CNTN3: variants seen among roughly 807,000 people sequenced by gnomAD.
CNTN3 encodes the protein contactin 3, also known as contactin-3.
A neutral mutation model predicts 119.1 loss-of-function variants in CNTN3; 60 were observed. The ratio of observed to expected loss-of-function variants is 0.50; its 90% CI spans 0.41 to 0.62. The LOEUF (loss-of-function observed/expected upper bound fraction) is 0.62, where lower values mean the gene tolerates loss of function less well. Among genes scored for constraint, CNTN3 ranks in the 20% least tolerant of loss-of-function variants. The pLI, the probability that CNTN3 is intolerant of heterozygous loss-of-function variation, is 0.00. For missense variants in CNTN3, 1,101 were observed against 1,242.4 expected (o/e 0.89, Z 1.71); for synonymous variants, 450 against 438.7 (o/e 1.03, Z -0.32).
intron 11 of CNTN3, among the ~76,000 whole-genome samples, chr3:74,356,438 C>T (rs1190919698): frequency 6.6e-6 from 1 of 152,062 alleles, no homozygotes; most frequent in Non-Finnish European, 1.5e-5. Context: ...CTCTAGAGAG[C>T]TTGTCCTGAT....
In CNTN3 at chr3:74,369,870, T is replaced by C; in HGVS notation, c.761+19A>G. 1 of 1,353,520 alleles carries C rather than the reference T, an allele frequency of 7.4e-7. No homozygotes were observed. 83.8% of individuals were successfully genotyped at this position (1,353,520 alleles called of 1,614,324 possible). On this transcript the variant is annotated intron_variant, in intron 7 of 22. Transcript: ENST00000263665. ...AACCTAATATTTCAGCACATAGGAGTAAATGTTATAAAACTTACTTTCCAA... is the reference window on the plus strand; with the variant it reads ...AACCTAATATTTCAGCACATAGGAGCAAATGTTATAAAACTTACTTTCCAA...
At chr3:74,393,456 C>T (rs1195055987) in intron 5 of CNTN3, among the ~76,000 whole-genome samples, 2 of 152,222 alleles carry the variant, frequency 1.3e-5, no homozygotes, top group Admixed American at 6.5e-5. Context: ...ACTTTTCCTT[C>T]CCTGGTATAT....
At chr3:74,587,591 A>C (rs1451973443) in intron 1 of CNTN3, among the ~76,000 whole-genome samples, 1 of 152,058 alleles carries the variant, frequency 6.6e-6, no homozygotes, top group Non-Finnish European at 1.5e-5. Context: ...TTGAGGACTT[A>C]ACCTGTTGTA....
intron 5 of CNTN3, among the ~76,000 whole-genome samples, chr3:74,395,596 T>C (rs933106928): frequency 3.3e-5 from 5 of 152,246 alleles, no homozygotes; most frequent in African/African-American, 1.2e-4. Context: ...GCCCTGAGCC[T>C]GAGTTTTCTT....
Position 74,449,143 on chromosome 3 carries a change from A to C in CNTN3, c.359-24203T>G, listed in dbSNP as rs189069935. On this transcript the variant is annotated intron_variant, in intron 4 of 22. Coordinates refer to ENST00000263665, the MANE Select transcript of CNTN3 (RefSeq NM_020872.3). The stretch of plus-strand genomic sequence containing the variant: ...AAGCCCTTGAGTATAAATCATAAAG[A>C]AATATCTAAGTATTATATAATAAAA... Among the ~76,000 whole-genome samples the C allele has an allele frequency of 4.0e-4, 61 of 152,118 alleles. No individual in the cohort carries two copies. The East Asian group carries it at 9.5e-3, about 24-fold the overall frequency.
At chr3:74,566,801 C>G (rs562827452) in intron 1 of CNTN3, among the ~76,000 whole-genome samples, 6 of 152,296 alleles carry the variant, frequency 3.9e-5, no homozygotes, top group Non-Finnish European at 8.8e-5. Flanking sequence ...ATAGAGGCTA[C>G]AAGGTCCTGG....
At chr3:74,560,359 A>G (rs1385455660) in intron 1 of CNTN3, among the ~76,000 whole-genome samples, 2 of 152,190 alleles carry the variant, frequency 1.3e-5, no homozygotes, top group Non-Finnish European at 2.9e-5. Flanking sequence ...ATATCCACAG[A>G]TGACAGCTGG....
intron 1 of CNTN3, among the ~76,000 whole-genome samples, chr3:74,580,908 G>T (rs1375089867): frequency 6.6e-6 from 1 of 152,014 alleles, no homozygotes; most frequent in Non-Finnish European, 1.5e-5. Context: ...TTGCAGATGG[G>T]GTCTTGCCAT....
intron 5 of CNTN3, among the ~76,000 whole-genome samples, chr3:74,409,729 G>A (rs944184378): frequency 6.6e-6 from 1 of 151,976 alleles, no homozygotes; most frequent in Non-Finnish European, 1.5e-5. Context: ...TCTGTTTAAT[G>A]CCATTTTCTT....
intron 4 of CNTN3, among the ~76,000 whole-genome samples, chr3:74,435,872 C>T (rs1263752056): frequency 1.3e-5 from 2 of 152,126 alleles, no homozygotes; most frequent in African/African-American, 4.8e-5. Flanking sequence ...ATCCAACCCT[C>T]ACGCTGGTCT....
chr3:74,333,970 A>G (rs1292293014), intron 13 of CNTN3, among the ~76,000 whole-genome samples: 8 of 152,160 alleles, frequency 5.3e-5, no homozygotes, highest in Admixed American at 5.2e-4. Context: ...AAACAGTCCT[A>G]CAAGGGAAGC....
Position 74,384,369 on chromosome 3 carries a change from C to T in CNTN3, c.455-12970G>A, listed in dbSNP as rs542540572. Among the ~76,000 whole-genome samples, 68 of 152,266 alleles carry T rather than the reference C, an allele frequency of 4.5e-4. 1 individual carries two copies. Among genetic ancestry groups the T allele is most frequent in the South Asian group, 2.9e-3 (14 of 4,830 alleles). On this transcript the variant is annotated intron_variant, in intron 5 of 22. Transcript: ENST00000263665. ...AGCAGCAATCATGTGAGTATTCTTC[C>T]GCCAACATGATAAAACGCTTTTCTT...
intron 8 of CNTN3, 135 bp downstream of exon 8, chr3:74,369,054 T>A (rs1295245662): frequency 3.7e-6 from 2 of 540,518 alleles, no homozygotes; most frequent in African/African-American, 3.9e-5. Flanking sequence ...ATGTTTATCA[T>A]CACTTAACAA....
At chr3:74,583,510 G>A (rs960803046) in intron 1 of CNTN3, among the ~76,000 whole-genome samples, 1 of 152,100 alleles carries the variant, frequency 6.6e-6, no homozygotes, top group Admixed American at 6.6e-5. Flanking sequence ...TGTGAGAACA[G>A]GCAAAACTCT....
intron 1 of CNTN3, among the ~76,000 whole-genome samples, chr3:74,543,642 T>A (rs191760572): frequency 6.6e-5 from 10 of 152,300 alleles, no homozygotes; most frequent in Admixed American, 4.6e-4. Context: ...AGATTTCACA[T>A]TTTACGTATA....
rs542103659 is a variant in CNTN3 at position 74,457,142 on chromosome 3, T to C, written c.358+29314A>G. Among the ~76,000 whole-genome samples the C allele has an allele frequency of 5.9e-5, 9 of 152,204 alleles. No individual in the cohort carries two copies. In the South Asian group the frequency reaches 1.7e-3, roughly 28 times the overall value. ...TTGTTTTAATATTATTAACACCTGATATTTTGTAGAATCCTTTGATAAACA... is the reference window on the plus strand; with the variant it reads ...TTGTTTTAATATTATTAACACCTGACATTTTGTAGAATCCTTTGATAAACA... On this transcript the variant is annotated intron_variant, in intron 4 of 22. Transcript: ENST00000263665.
chr3:74,556,218 G>A (rs1704067587), intron 1 of CNTN3, among the ~76,000 whole-genome samples: 1 of 152,130 alleles, frequency 6.6e-6, no homozygotes, highest in Admixed American at 6.6e-5. Context: ...TATGTTCAGA[G>A]TTGTGTCACC....
chr3:74,594,711 G>A (rs1433282343), intron 1 of CNTN3, among the ~76,000 whole-genome samples: 3 of 152,102 alleles, frequency 2.0e-5, no homozygotes, highest in Non-Finnish European at 4.4e-5. Context: ...GGACATTTGG[G>A]TTGGTCCCAA....
rs554305851 is a variant in CNTN3, at chr3:74,347,548, C to A, written c.1365-10890G>T. Among the ~76,000 whole-genome samples, 6 of 152,262 alleles carry A rather than the reference C, an allele frequency of 3.9e-5. No homozygotes were observed. In the South Asian group the frequency reaches 1.2e-3, roughly 32 times the overall value. ...GAGCCACTAAGTCCACCCCACAAGG[C>A]CTTTCTTGAAATGTACCATATAATG... is the stretch of plus-strand genomic sequence containing the variant. On this transcript the variant is annotated intron_variant, in intron 11 of 22. Coordinates refer to ENST00000263665, the MANE Select transcript of CNTN3 (RefSeq NM_020872.3).
Sources: gnomAD v4.1 joint callset for allele counts (sites outside exome capture counted in the v4.1 genomes callset) on GRCh38, gnomAD v4.1.1 for gene constraint, MANE v1.5 for transcripts, NCBI Gene and HGNC (gene_info 2026-07-23, HGNC 2026-07-21) for gene names.